KLHL2: variants seen among roughly 807,000 people sequenced by gnomAD.
KLHL2 encodes kelch like family member 2.
KLHL2 carries 15 observed loss-of-function variants against 75.8 expected under a neutral mutation model. The observed-to-expected ratio is 0.20, with a 90% CI of 0.13 to 0.30. The LOEUF (loss-of-function observed/expected upper bound fraction) is 0.30. Ranked by LOEUF, KLHL2 falls within the 10% of genes least tolerant of loss-of-function variation. KLHL2 has a pLI of 1.00. For missense variants in KLHL2, 381 were observed against 741.0 expected (o/e 0.51, Z 5.64); for synonymous variants, 214 against 251.9 (o/e 0.85, Z 1.42).
chr4:165,294,669 A>G (rs955094674), intron 6 of KLHL2, among the ~76,000 whole-genome samples: 4 of 152,182 alleles, frequency 2.6e-5, no homozygotes, highest in African/African-American at 4.8e-5. Flanking sequence ...TTGATTGTCT[A>G]TGTAAATTAC....
intron 5 of KLHL2, among the ~76,000 whole-genome samples, chr4:165,264,767 A>ATATAT (rs1742109332): frequency 2.8e-5 from 2 of 72,040 alleles, no homozygotes; most frequent in South Asian, 5.9e-4. Flanking sequence ...TATATATATA[A>ATATAT]AACATTATCC....
intron 8 of KLHL2, among the ~76,000 whole-genome samples, chr4:165,300,868 T>G (rs575739849): frequency 3.9e-5 from 6 of 152,334 alleles, no homozygotes; most frequent in South Asian, 2.1e-4. Flanking sequence ...TTTTTTAAAT[T>G]CTTTCACTTT....
chr4:165,302,154 G>T (rs1745399012), intron 8 of KLHL2, among the ~76,000 whole-genome samples: 1 of 152,192 alleles, frequency 6.6e-6, no homozygotes, highest in South Asian at 2.1e-4. Flanking sequence ...CTGGATAGCA[G>T]TGAGCAGCCC....
chr4:165,264,714 A>G (rs1487790587), intron 5 of KLHL2, among the ~76,000 whole-genome samples: 1,717 of 75,094 alleles, frequency 0.023, 25 homozygotes, highest in African/African-American at 0.058. Flanking sequence ...GTATATATAT[A>G]TATATACATA....
intron 14 of KLHL2, among the ~76,000 whole-genome samples, chr4:165,318,757 C>T (rs1191431557): frequency 1.3e-5 from 2 of 152,216 alleles, no homozygotes; most frequent in Admixed American, 1.3e-4. Flanking sequence ...TGTATGTCCA[C>T]TTACATGTGG....
intron 5 of KLHL2, among the ~76,000 whole-genome samples, chr4:165,272,251 T>C (rs1451860774): frequency 6.6e-6 from 1 of 152,216 alleles, no homozygotes; most frequent in East Asian, 1.9e-4. Context: ...CTTCTGTAAG[T>C]TGGGGAATGC....
chr4:165,296,603 C>A (rs899107149), intron 6 of KLHL2, among the ~76,000 whole-genome samples: 1 of 151,920 alleles, frequency 6.6e-6, no homozygotes, highest in African/African-American at 2.4e-5. Flanking sequence ...TGGTGGTGGG[C>A]AGTATGGACC....
intron 7 of KLHL2, among the ~76,000 whole-genome samples, chr4:165,298,939 GC>G (rs536962387): frequency 1.3e-4 from 13 of 101,642 alleles, no homozygotes; most frequent in East Asian, 7.0e-4. Context: ...CCTTCCCCCC[GC>G]CCCCCCTCCC....
chr4:165,287,358 A>G (rs1579125551), intron 5 of KLHL2, among the ~76,000 whole-genome samples: 2 of 152,164 alleles, frequency 1.3e-5, no homozygotes, highest in African/African-American at 2.4e-5. Flanking sequence ...TTGTATGTAT[A>G]TATAGTGTAT....
intron 4 of KLHL2, among the ~76,000 whole-genome samples, chr4:165,260,748 T>G (rs11726821): frequency 0.074 from 11,228 of 152,236 alleles, 851 homozygotes; most frequent in African/African-American, 0.2. Flanking sequence ...CATTAAAGGC[T>G]TTTTTCTAAC....
At chr4:165,297,159 T>C (rs571658079) in intron 6 of KLHL2, among the ~76,000 whole-genome samples, 2 of 152,286 alleles carry the variant, frequency 1.3e-5, no homozygotes, top group Non-Finnish European at 2.9e-5. Context: ...CTTATTAGCT[T>C]TCTCACAATT....
rs191171585 is a variant in KLHL2 at position 165,279,159 on chromosome 4, T to C, written c.545-15200T>C. ...TTTTCTTCAACGGCCTTTTGAACTT[T>C]TCTCACATTGTCGAGGAGCCAGCGA... On this transcript the variant is annotated intron_variant, in intron 5 of 14. Transcript: ENST00000226725. 1,463 of 1,600,930 alleles carry C rather than the reference T, an allele frequency of 9.1e-4. 8 individuals are homozygous for C. In the African/African-American group the frequency reaches 0.016, roughly 17 times the overall value.
intron 4 of KLHL2, among the ~76,000 whole-genome samples, chr4:165,249,422 A>G (rs2111157444): frequency 6.6e-6 from 1 of 152,370 alleles, no homozygotes; most frequent in Non-Finnish European, 1.5e-5. Flanking sequence ...TAGAATTAGT[A>G]ATCAGAGCTT....
At chr4:165,279,166 A>T in intron 5 of KLHL2, 3 of 1,598,466 alleles carry the variant, frequency 1.9e-6, no homozygotes, top group Non-Finnish European at 2.6e-6. Context: ...CTTTTCTCAC[A>T]TTGTCGAGGA....
intron 2 of KLHL2, among the ~76,000 whole-genome samples, chr4:165,220,691 G>A (rs1440361489): frequency 1.3e-5 from 2 of 152,068 alleles, no homozygotes; most frequent in Admixed American, 6.6e-5. Context: ...GCTGGTCTAG[G>A]GCTTCTAACT....
chr4:165,239,347 C>T (rs1474640857), intron 4 of KLHL2, among the ~76,000 whole-genome samples: 6 of 151,050 alleles, frequency 4.0e-5, no homozygotes, highest in Non-Finnish European at 8.8e-5. Context: ...CATGCAGCCT[C>T]GACCTCCTAG....
At chr4:165,215,920 A>G (rs1312498661) in intron 1 of KLHL2, among the ~76,000 whole-genome samples, 4 of 152,062 alleles carry the variant, frequency 2.6e-5, no homozygotes, top group Non-Finnish European at 5.9e-5. Context: ...TAATTCTAAA[A>G]AGGGCTTGTG....
chr4:165,266,273 C>G (rs1448622568), intron 5 of KLHL2, among the ~76,000 whole-genome samples: 1 of 152,074 alleles, frequency 6.6e-6, no homozygotes, highest in East Asian at 1.9e-4. Context: ...TGTAAGTTGC[C>G]TCTTCACTCT....
intron 5 of KLHL2, chr4:165,279,782 G>C (rs1442582451): frequency 4.0e-6 from 3 of 743,424 alleles, no homozygotes; most frequent in Non-Finnish European, 7.3e-6. Context: ...TTACTGGCTG[G>C]CTAGCAGGCT....
Sources: gnomAD v4.1 joint callset for allele counts (sites outside exome capture counted in the v4.1 genomes callset) on GRCh38, gnomAD v4.1.1 for gene constraint, MANE v1.5 for transcripts, NCBI Gene and HGNC (gene_info 2026-07-23, HGNC 2026-07-21) for gene names.